NRDC: variants seen among roughly 807,000 people sequenced by gnomAD.
NRDC encodes nardilysin convertase.
In NRDC, 54 loss-of-function variants were observed where a neutral mutation model predicts 147.1. That is an observed-to-expected ratio of 0.37 (90% CI 0.29 to 0.46). The LOEUF (loss-of-function observed/expected upper bound fraction) is 0.46. Among genes scored for constraint, NRDC ranks in the 20% least tolerant of loss-of-function variants. The pLI is 1.00. For missense variants in NRDC, 1,082 were observed against 1,370.6 expected (o/e 0.79, Z 3.33); for synonymous variants, 440 against 482.1 (o/e 0.91, Z 1.14).
Position 51,846,698 on chromosome 1 carries a change from C to T in NRDC, c.342-6184G>A, listed in dbSNP as rs1288000726. Among the ~76,000 whole-genome samples the T allele has an allele frequency of 2.6e-5, 4 of 152,180 alleles. No homozygotes were observed. In the South Asian group the frequency reaches 8.3e-4, roughly 31 times the overall value. On this transcript the variant is annotated intron_variant, in intron 1 of 30. Transcript: ENST00000352171. ...TGAGAACCCAAAAAGTGAACACCAA[C>T]AAGATTTATCGCCAACAGCGATGGA...
intron 4 of NRDC, among the ~76,000 whole-genome samples, chr1:51,828,096 C>T (rs1680524575): frequency 6.6e-6 from 1 of 152,172 alleles, no homozygotes; most frequent in Non-Finnish European, 1.5e-5. Context: ...GTTAACAAAA[C>T]ATGAACATAT....
chr1:51,852,766 C>A (rs1258116270), intron 1 of NRDC, among the ~76,000 whole-genome samples: 1 of 151,858 alleles, frequency 6.6e-6, no homozygotes, highest in Non-Finnish European at 1.5e-5. Flanking sequence ...TCCTTGTGGA[C>A]TTTCATCCTC....
At chr1:51,853,519 T>C (rs1276666775) in intron 1 of NRDC, among the ~76,000 whole-genome samples, 1 of 152,210 alleles carries the variant, frequency 6.6e-6, no homozygotes, top group African/African-American at 2.4e-5. Context: ...AAAAGATGGA[T>C]GCGGGTTATT....
At chr1:51,838,267 G>A (rs1263308639) in intron 2 of NRDC, among the ~76,000 whole-genome samples, 1 of 152,156 alleles carries the variant, frequency 6.6e-6, no homozygotes, top group East Asian at 1.9e-4. Context: ...ACTAGACTCT[G>A]ACCCTGCTGC....
At chr1:51,871,934 C>T (rs1201607682) in intron 1 of NRDC, among the ~76,000 whole-genome samples, 3 of 152,096 alleles carry the variant, frequency 2.0e-5, no homozygotes, top group African/African-American at 4.8e-5. Context: ...GCAGTGGGCG[C>T]GATCTTGACT....
chr1:51,804,384 C>A (rs7541944), intron 19 of NRDC, among the ~76,000 whole-genome samples: 40,992 of 69,626 alleles, frequency 0.59, 11,882 homozygotes, highest in East Asian at 0.93. Flanking sequence ...TTTACAGTTA[C>A]GTAGGAAAAG....
chr1:51,825,224 ACTTTT>A (rs1299730881), intron 6 of NRDC, 58 bp downstream of exon 6: 9 of 1,105,486 alleles, frequency 8.1e-6, no homozygotes, highest in Non-Finnish European at 1.2e-5. Context: ...TTCTTTATCA[ACTTTT>A]CTTATTCTAA....
At chr1:51,792,857 G>C (rs577531315) in intron 24 of NRDC, among the ~76,000 whole-genome samples, 1 of 152,304 alleles carries the variant, frequency 6.6e-6, no homozygotes, top group East Asian at 1.9e-4. Context: ...CCACATAAAA[G>C]GACCAAAACC....
chr1:51,795,635 G>C (rs1321063478), intron 22 of NRDC: 2 of 159,676 alleles, frequency 1.3e-5, no homozygotes, highest in African/African-American at 4.8e-5. Flanking sequence ...TAACAAAACA[G>C]TTCAGGGAGA....
At position 51,825,357 on chromosome 1, in the gene NRDC, A is replaced by G. The variant is rs752382780; in HGVS notation, c.966T>C (p.Asp322=). The change falls in exon 6 of 31, where the codon GAT becomes GAC. Residue 322 remains aspartate, a synonymous_variant. Transcript: ENST00000352171. ...CAAACAACATTTCCTTTCTGTTTGC[A>G]TCAGAAGGCCTTGCAAGTTGATATT... The part of the protein sequence containing the change: ...DSEYQLARPS[D]ANRKEMLFGS... 33 of 1,588,652 alleles carry G rather than the reference A, an allele frequency of 2.1e-5. No individual in the cohort carries two copies. The highest frequency in any genetic ancestry group is 2.5e-5 in the Non-Finnish European group (29 of 1,173,990).
At chr1:51,833,297 A>G (rs1312755345) in intron 4 of NRDC, among the ~76,000 whole-genome samples, 3 of 152,104 alleles carry the variant, frequency 2.0e-5, no homozygotes, top group African/African-American at 7.2e-5. Flanking sequence ...TCCCAATTCT[A>G]CAAAAAAATT....
At chr1:51,854,806 G>A (rs1682153323) in intron 1 of NRDC, among the ~76,000 whole-genome samples, 1 of 152,168 alleles carries the variant, frequency 6.6e-6, no homozygotes, top group Admixed American at 6.5e-5. Context: ...AAGAATGTTT[G>A]CTTCCCTATA....
chr1:51,860,540 A>G (rs1228041072), intron 1 of NRDC, among the ~76,000 whole-genome samples: 3 of 152,172 alleles, frequency 2.0e-5, no homozygotes, highest in African/African-American at 7.2e-5. Flanking sequence ...CTAGCTTAAA[A>G]TGGCATTTCA....
intron 2 of NRDC, chr1:51,837,468 G>A: frequency 6.5e-7 from 1 of 1,549,108 alleles, no homozygotes; most frequent in African/African-American, 1.4e-5. Context: ...GTTCTGTGAT[G>A]TTTTAATAGG....
At chr1:51,829,653 C>T (rs1680613544) in intron 4 of NRDC, among the ~76,000 whole-genome samples, 1 of 152,178 alleles carries the variant, frequency 6.6e-6, no homozygotes. Context: ...TCTACAACTA[C>T]AAGTAAAATA....
intron 15 of NRDC, among the ~76,000 whole-genome samples, chr1:51,811,766 G>C (rs1025901333): frequency 6.6e-5 from 10 of 151,970 alleles, no homozygotes; most frequent in African/African-American, 2.4e-4. Context: ...ATTAAAATAG[G>C]ACCTAACAAG....
intron 16 of NRDC, 100 bp downstream of exon 16, chr1:51,810,181 A>C (rs1679650609): frequency 2.4e-6 from 2 of 820,762 alleles, no homozygotes; most frequent in Non-Finnish European, 3.4e-6. Context: ...TTAAAAAATT[A>C]TACTTTTTCC....
chr1:51,836,148 G>A lies in NRDC; in HGVS notation c.695C>T (p.Ala232Val). ...FADPDDLPGLAHFLEHMVFMG... is the reference protein window; with the variant it reads ...FADPDDLPGLVHFLEHMVFMG... ...ATTCTTACTGTGCTCCAAAAAGTGTGCCAGCCCCGGCAGGTCATCTGGATC... is the reference window on the plus strand; with the variant it reads ...ATTCTTACTGTGCTCCAAAAAGTGTACCAGCCCCGGCAGGTCATCTGGATC... The change falls in exon 3 of 31, where the codon GCA (alanine) becomes GTA (valine). Residue 232 changes from alanine to valine, a missense_variant. Ala to Val is a moderately conservative substitution (Grantham distance 64). Transcript: ENST00000352171. 6.2e-7 allele frequency: 1 copy of A among 1,614,082 alleles called. No homozygotes were observed.
intron 24 of NRDC, 46 bp from the exon 25 acceptor site, chr1:51,792,470 C>T (rs749490767): frequency 2.8e-5 from 44 of 1,590,916 alleles, no homozygotes; most frequent in Non-Finnish European, 3.5e-5. Context: ...CAGTGGTTTA[C>T]AGGGCTTTTA....
Sources: gnomAD v4.1 joint callset for allele counts (sites outside exome capture counted in the v4.1 genomes callset) on GRCh38, gnomAD v4.1.1 for gene constraint, MANE v1.5 for transcripts, NCBI Gene and HGNC (gene_info 2026-07-23, HGNC 2026-07-21) for gene names.